The following TMEM232 variants were observed in gnomAD, a reference collection of about 807,000 sequenced individuals.
TMEM232 encodes the protein transmembrane protein 232.
A neutral mutation model predicts 78.8 loss-of-function variants in TMEM232; 80 were observed. That is an observed-to-expected ratio of 1.01 (90% confidence interval 0.85 to 1.22). TMEM232 has a LOEUF of 1.22. TMEM232 is among the 50% of genes most tolerant of loss of function. The pLI is 0.00. For synonymous variants in TMEM232, 297 were observed against 254.3 expected, an observed-to-expected ratio of 1.17 and a Z score of -1.60; for missense variants, 881 against 742.2, an observed-to-expected ratio of 1.19 and a Z score of -2.17.
intron 12 of TMEM232, among the ~76,000 whole-genome samples, chr5:110,469,103 G>T (rs953526425): frequency 1.3e-5 from 2 of 152,148 alleles, no homozygotes; most frequent in African/African-American, 4.8e-5. Context: ...CAATCCTCAT[G>T]AGAATGAAGT....
intron 11 of TMEM232, among the ~76,000 whole-genome samples, chr5:110,530,688 A>G (rs1771320379): frequency 6.6e-6 from 1 of 152,152 alleles, no homozygotes; most frequent in Non-Finnish European, 1.5e-5. Context: ...ATCTCATATA[A>G]GTAGAGTAGG....
chr5:110,737,565 CTTAATACGT>C (rs1561591712), intron 1 of TMEM232, among the ~76,000 whole-genome samples: 1 of 152,098 alleles, frequency 6.6e-6, no homozygotes, highest in African/African-American at 2.4e-5. Context: ...TTTTAAACAC[CTTAATACGT>C]GAAAGATAAT....
chr5:110,732,646 T>C (rs1561584756), intron 2 of TMEM232, among the ~76,000 whole-genome samples: 1 of 152,074 alleles, frequency 6.6e-6, no homozygotes, highest in Non-Finnish European at 1.5e-5. Context: ...TTCAATTACC[T>C]CCCCCTGGGT....
chr5:110,420,628 A>C lies in TMEM232; in HGVS notation c.1926T>G (p.His642Gln). The C allele has an allele frequency of 1.3e-6, 2 of 1,518,722 alleles. No homozygotes were observed. The highest frequency in any genetic ancestry group is 1.8e-6 in the Non-Finnish European group (2 of 1,142,046). The allele number at this position is 1,518,722 out of a possible 1,614,324, so 94.1% of individuals were successfully genotyped here. The change falls in exon 14 of 14, where the codon CAT (histidine) becomes CAG (glutamine). Residue 642 changes from histidine (H) to glutamine (Q), a missense_variant. His to Gln is a conservative substitution (Grantham distance 24). Coordinates refer to ENST00000455884, the MANE Select transcript of TMEM232 (RefSeq NM_001039763.4). ...EVMKKREEKLHKQTKPYELPY... is the reference protein window; with the variant it reads ...EVMKKREEKLQKQTKPYELPY... ...GAAGTTCATAGGGCTTGGTTTGCTT[A>C]TGTAGTTTCTCTTCTCTTTTCTTCA...
intron 12 of TMEM232, among the ~76,000 whole-genome samples, chr5:110,525,655 A>C (rs1372265359): frequency 3.3e-5 from 5 of 151,878 alleles, no homozygotes; most frequent in Non-Finnish European, 7.4e-5. Flanking sequence ...GTAAATTTAC[A>C]ACTAGATTGT....
At chr5:110,516,912 T>A (rs10063602) in intron 12 of TMEM232, among the ~76,000 whole-genome samples, 22,454 of 152,128 alleles carry the variant, frequency 0.15, 2,041 homozygotes, top group African/African-American at 0.25. Context: ...ATCTCCTCCT[T>A]TCTAGAAAAT....
At chr5:110,711,478 A>T (rs891413360) in intron 1 of TMEM232, among the ~76,000 whole-genome samples, 2 of 152,202 alleles carry the variant, frequency 1.3e-5, no homozygotes, top group African/African-American at 4.8e-5. Flanking sequence ...AAAAGAACAA[A>T]ATTGGAGGAA....
chr5:110,460,900 A>T (rs1032220430), intron 12 of TMEM232, among the ~76,000 whole-genome samples: 2 of 152,114 alleles, frequency 1.3e-5, no homozygotes, highest in Non-Finnish European at 2.9e-5. Flanking sequence ...TGTCTATAGA[A>T]GATGGCAAAC....
chr5:110,609,701 A>C (rs1781953995), intron 8 of TMEM232, among the ~76,000 whole-genome samples: 1 of 152,146 alleles, frequency 6.6e-6, no homozygotes, highest in Non-Finnish European at 1.5e-5. Flanking sequence ...AAGCTGCCTG[A>C]TAATTTTACA....
chr5:110,568,458 T>G lies in TMEM232; in HGVS notation c.1444A>C (p.Asn482His), dbSNP rs1260545688. 16 of 1,546,412 alleles carry G rather than the reference T, an allele frequency of 1.0e-5. No homozygotes were observed. Among genetic ancestry groups the G allele is most frequent in the Non-Finnish European group, 1.4e-5 (16 of 1,144,720 alleles). The stretch of plus-strand genomic sequence containing the variant: ...GTGTTTTACCTTACCTGAGCTATAT[T>G]GATTGCATTTTGGATTCGTACATCT... ...EEDVRIQNAINIAQAELNDPT... is the reference protein window; with the variant it reads ...EEDVRIQNAIHIAQAELNDPT... The change falls in exon 11 of 14, where the codon AAT becomes CAT. Residue 482 changes from asparagine to histidine, a missense_variant. Transcript: ENST00000455884.
intron 12 of TMEM232, among the ~76,000 whole-genome samples, chr5:110,471,818 TAAAC>T (rs1356138467): frequency 1.3e-5 from 2 of 151,674 alleles, no homozygotes; most frequent in Non-Finnish European, 1.5e-5. Flanking sequence ...TCAGAAAAGA[TAAAC>T]AAACCAACAA....
intron 2 of TMEM232, among the ~76,000 whole-genome samples, chr5:110,405,180 G>GA (rs1445539350): frequency 6.6e-6 from 1 of 152,028 alleles, no homozygotes; most frequent in Non-Finnish European, 1.5e-5. Context: ...TAGTGATACT[G>GA]AAAAAATGAA....
intron 1 of TMEM232, among the ~76,000 whole-genome samples, chr5:110,673,035 A>G (rs1445419748): frequency 6.6e-6 from 1 of 152,216 alleles, no homozygotes; most frequent in African/African-American, 2.4e-5. Flanking sequence ...TCACAATAGC[A>G]AAGACTTGGA....
At chr5:110,422,154 A>G (rs954465840) in intron 13 of TMEM232, among the ~76,000 whole-genome samples, 7 of 152,202 alleles carry the variant, frequency 4.6e-5, no homozygotes, top group Non-Finnish European at 7.3e-5. Context: ...TAGAAGTTAT[A>G]GTTGGTATAA....
chr5:110,504,315 GT>G (rs1247399979), intron 12 of TMEM232, among the ~76,000 whole-genome samples: 1 of 152,170 alleles, frequency 6.6e-6, no homozygotes, highest in African/African-American at 2.4e-5. Context: ...GAGGAAAGTG[GT>G]TTTCTTGTAA....
intron 11 of TMEM232, among the ~76,000 whole-genome samples, chr5:110,558,350 G>A (rs147008619): frequency 7.8e-4 from 119 of 152,262 alleles, no homozygotes; most frequent in Non-Finnish European, 1.3e-3. Context: ...CAGTGCGCAT[G>A]CCAGAAAATC....
At chr5:110,459,790 T>C (rs1761299802) in intron 12 of TMEM232, among the ~76,000 whole-genome samples, 1 of 152,106 alleles carries the variant, frequency 6.6e-6, no homozygotes, top group Non-Finnish European at 1.5e-5. Flanking sequence ...AAAATTTAAA[T>C]CACCAATAAA....
chr5:110,628,751 T>A (rs1316025460), intron 5 of TMEM232: 1 of 151,650 alleles, frequency 6.6e-6, no homozygotes, highest in African/African-American at 2.4e-5. Flanking sequence ...ATGATATACA[T>A]GTAAAAATAA....
At chr5:110,686,885 G>C (rs1444733745) in intron 1 of TMEM232, among the ~76,000 whole-genome samples, 1 of 152,032 alleles carries the variant, frequency 6.6e-6, no homozygotes, top group Non-Finnish European at 1.5e-5. Context: ...TTCCTTTCAC[G>C]GTCATTGTTA....
Sources: gnomAD v4.1 joint callset for allele counts (sites outside exome capture counted in the v4.1 genomes callset) on GRCh38, gnomAD v4.1.1 for gene constraint, MANE v1.5 for transcripts, NCBI Gene and HGNC (gene_info 2026-07-23, HGNC 2026-07-21) for gene names.